Variants in CTDSP2 observed in about 807,000 individuals in gnomAD.
CTDSP2 encodes the protein CTD small phosphatase 2, also known as carboxy-terminal domain RNA polymerase II polypeptide A small phosphatase 2.
A neutral mutation model predicts 31.6 loss-of-function variants in CTDSP2; 9 were observed. That is an observed-to-expected ratio of 0.28 (90% confidence interval 0.17 to 0.50). CTDSP2 has a LOEUF of 0.50. CTDSP2 is among the 20% of genes least tolerant of loss of function. The pLI, the probability that CTDSP2 is intolerant of heterozygous loss-of-function variation, is 0.98. For missense variants in CTDSP2, 267 were observed against 348.5 expected (o/e 0.77, Z 1.86); for synonymous variants, 134 against 134.5 (o/e 1.00, Z 0.03).
chr12:57,841,951 G>T (rs1407139444), intron 1 of CTDSP2, among the ~76,000 whole-genome samples: 2 of 152,164 alleles, frequency 1.3e-5, no homozygotes, highest in Non-Finnish European at 2.9e-5. Flanking sequence ...AATAGGAAAA[G>T]AAGGTATTTG....
At chr12:57,840,602 A>G (rs557080069) in intron 1 of CTDSP2, among the ~76,000 whole-genome samples, 17 of 152,206 alleles carry the variant, frequency 1.1e-4, no homozygotes, top group African/African-American at 3.9e-4. Flanking sequence ...GAGCCTTTCC[A>G]TGAGTCTGCT....
Position 57,823,976 on chromosome 12 carries a change from C to G in CTDSP2, c.618G>C (p.Leu206=). Residue 206 remains leucine, a synonymous_variant, in exon 7 of 8, where the codon CTG becomes CTC. Coordinates refer to ENST00000398073, the MANE Select transcript of CTDSP2 (RefSeq NM_005730.4). ...QGCYVKDLSR[L]GRDLRKTLIL... ...TGAGGGTCTTTCTCAGGTCCCTCCC[C>G]AGGCGGCTGAGGTCCTTGACGTAGC... 6.2e-7 allele frequency: 1 copy of G among 1,614,128 alleles called. No homozygotes were observed. Among genetic ancestry groups the G allele is most frequent in the South Asian group, 1.1e-5 (1 of 91,086 alleles).
chr12:57,834,986 G>A (rs1361028826), intron 1 of CTDSP2, among the ~76,000 whole-genome samples: 2 of 152,142 alleles, frequency 1.3e-5, no homozygotes, highest in African/African-American at 4.8e-5. Context: ...GCCAGGTATG[G>A]TGGCACATGC....
At chr12:57,841,213 T>G (rs558529594) in intron 1 of CTDSP2, among the ~76,000 whole-genome samples, 144 of 152,338 alleles carry the variant, frequency 9.5e-4, no homozygotes, top group African/African-American at 3.2e-3. Context: ...TTCCCAGAGC[T>G]GGCCAGACTA....
Position 57,826,375 on chromosome 12 carries a change from G to A in CTDSP2, c.382C>T (p.Pro128Ser), listed in dbSNP as rs769684225. Residue 128 changes from proline to serine, a missense_variant, in exon 5 of 8, where the codon CCT becomes TCT. Pro to Ser is a moderately conservative substitution (Grantham distance 74). Transcript: ENST00000398073. ...KPINNADFIV[P>S]IEIEGTTHQV... ...TGAGTGGTCCCCTCAATCTCTATAG[G>A]CACTATGAAGTCAGCATTGTTGATT... 5.0e-6 allele frequency: 8 copies of A among 1,614,022 alleles called. No homozygotes were observed. Among genetic ancestry groups the A allele is most frequent in the Non-Finnish European group, 6.8e-6 (8 of 1,180,022 alleles).
chr12:57,836,402 G>A (rs535452739), intron 1 of CTDSP2, among the ~76,000 whole-genome samples: 352 of 152,324 alleles, frequency 2.3e-3, no homozygotes, highest in Non-Finnish European at 4.4e-3. Flanking sequence ...GCTCAAGCCT[G>A]TAATCCCAGC....
intron 1 of CTDSP2, among the ~76,000 whole-genome samples, chr12:57,839,832 G>T (rs1306805763): frequency 6.6e-6 from 1 of 152,056 alleles, no homozygotes; most frequent in African/African-American, 2.4e-5. Flanking sequence ...TATCTGTAAA[G>T]TGAGGTTAAT....
At chr12:57,846,015 G>C (rs1352902425) in intron 1 of CTDSP2, among the ~76,000 whole-genome samples, 2 of 152,182 alleles carry the variant, frequency 1.3e-5, no homozygotes, top group African/African-American at 2.4e-5. Context: ...GGGCAGCCGC[G>C]CGCGGCGGTG....
intron 6 of CTDSP2, 39 bp downstream of exon 6, chr12:57,824,188 C>A: frequency 6.2e-7 from 1 of 1,610,380 alleles, no homozygotes; most frequent in East Asian, 2.2e-5. Flanking sequence ...CCGTGGCCAC[C>A]ACACCCACTC....
intron 1 of CTDSP2, among the ~76,000 whole-genome samples, chr12:57,832,587 T>A (rs746169944): frequency 2.0e-5 from 3 of 150,638 alleles, no homozygotes; most frequent in Admixed American, 1.3e-4. Flanking sequence ...AGGTCAGGAG[T>A]TCGAGACCAG....
intron 1 of CTDSP2, among the ~76,000 whole-genome samples, chr12:57,843,711 GAGA>G (rs1032871259): frequency 6.6e-6 from 1 of 152,168 alleles, no homozygotes; most frequent in Non-Finnish European, 1.5e-5. Context: ...ACGGAGTGGG[GAGA>G]AGAAGGAACT....
At chr12:57,845,161 G>A (rs1224713157) in intron 1 of CTDSP2, among the ~76,000 whole-genome samples, 1 of 152,194 alleles carries the variant, frequency 6.6e-6, no homozygotes, top group African/African-American at 2.4e-5. Flanking sequence ...CGGTGGAGAA[G>A]GGGAGGGAGC....
chr12:57,824,497 G>A (rs1956170404), intron 5 of CTDSP2, 178 bp from the exon 6 acceptor site: 1 of 666,686 alleles, frequency 1.5e-6, no homozygotes. Context: ...AGAACTGGCT[G>A]TACCCCTCAC....
intron 1 of CTDSP2, among the ~76,000 whole-genome samples, chr12:57,839,614 A>C (rs1450410587): frequency 6.6e-6 from 1 of 152,136 alleles, no homozygotes; most frequent in Admixed American, 6.5e-5. Context: ...GCTACTCAGG[A>C]GGCTGAGCCA....
At chr12:57,825,921 GA>G (rs894681512) in intron 5 of CTDSP2, among the ~76,000 whole-genome samples, 1 of 152,160 alleles carries the variant, frequency 6.6e-6, no homozygotes, top group Non-Finnish European at 1.5e-5. Flanking sequence ...GGTTACTACT[GA>G]TTTCCCTGCC....
intron 1 of CTDSP2, among the ~76,000 whole-genome samples, chr12:57,841,935 A>G (rs1280892449): frequency 6.6e-6 from 1 of 152,220 alleles, no homozygotes; most frequent in African/African-American, 2.4e-5. Flanking sequence ...ATCAAGTCTC[A>G]TTGCAAATAG....
chr12:57,835,435 G>T (rs1229093778), intron 1 of CTDSP2, among the ~76,000 whole-genome samples: 1 of 152,104 alleles, frequency 6.6e-6, no homozygotes, highest in African/African-American at 2.4e-5. Context: ...AGGATTACAG[G>T]CATGAGCCAC....
At chr12:57,827,290 G>C (rs1956188866) in intron 3 of CTDSP2, 193 bp from the exon 4 acceptor site, 1 of 629,170 alleles carries the variant, frequency 1.6e-6, no homozygotes, top group South Asian at 1.9e-5. Flanking sequence ...ACTATTAAGT[G>C]ATCTGGACAT....
At chr12:57,830,421 C>A (rs1297405086) in intron 1 of CTDSP2, among the ~76,000 whole-genome samples, 1 of 151,640 alleles carries the variant, frequency 6.6e-6, no homozygotes, top group East Asian at 1.9e-4. Flanking sequence ...ACAAACAAAA[C>A]CAACAACAAC....
Sources: allele counts gnomAD v4.1 joint callset (sites outside exome capture counted in the v4.1 genomes callset), GRCh38; gene constraint gnomAD v4.1.1; transcripts MANE v1.5; gene names NCBI Gene and HGNC (gene_info 2026-07-23, HGNC 2026-07-21).